The following SMAP2 variants were observed in gnomAD, a reference collection of about 807,000 sequenced individuals.
SMAP2 encodes the protein stromal membrane-associated protein 2.
A neutral mutation model predicts 56.4 loss-of-function variants in SMAP2; 25 were observed. The observed-to-expected ratio is 0.44, with a 90% CI of 0.32 to 0.62. The LOEUF is 0.62. Among genes scored for constraint, SMAP2 ranks in the 20% least tolerant of loss-of-function variants. The pLI is 0.04. For missense variants in SMAP2, 388 were observed against 545.6 expected, an observed-to-expected ratio of 0.71 and a Z score of 2.88; for synonymous variants, 157 against 181.7, an observed-to-expected ratio of 0.86 and a Z score of 1.09.
chr1:40,417,481 G>T (rs970038208), intron 9 of SMAP2, among the ~76,000 whole-genome samples: 13 of 152,080 alleles, frequency 8.5e-5, no homozygotes, highest in African/African-American at 3.1e-4. Flanking sequence ...AAATCCAGCG[G>T]AGCCAGCATC....
intron 1 of SMAP2, among the ~76,000 whole-genome samples, chr1:40,399,665 G>A (rs1644811039): frequency 6.8e-6 from 1 of 146,582 alleles, no homozygotes. Flanking sequence ...TCGCACCACT[G>A]CACTCCAGCC....
At chr1:40,376,208 T>A (rs1156370617) in intron 1 of SMAP2, among the ~76,000 whole-genome samples, 1 of 152,000 alleles carries the variant, frequency 6.6e-6, no homozygotes, top group African/African-American at 2.4e-5. Context: ...GCCTCAGCCT[T>A]CCAAAGTGCT....
At chr1:40,404,419 A>T (rs1382477193) in intron 1 of SMAP2, among the ~76,000 whole-genome samples, 1 of 152,186 alleles carries the variant, frequency 6.6e-6, no homozygotes, top group African/African-American at 2.4e-5. Flanking sequence ...GTGGCTTCAG[A>T]GTCACCCCAA....
At chr1:40,372,877 G>GTGAA (rs1050314952), upstream of SMAP2, among the ~76,000 whole-genome samples, 15 of 152,264 alleles carry the variant, frequency 9.9e-5, no homozygotes, top group African/African-American at 1.9e-4. Context: ...ATCGTGCTCA[G>GTGAA]TGAATGAATG....
chr1:40,421,956 G>A lies in SMAP2; in HGVS notation c.1165-20G>A. 1 of 1,614,042 alleles carries A rather than the reference G, an allele frequency of 6.2e-7. No individual in the cohort carries two copies. The highest frequency in any genetic ancestry group is 8.5e-7 in the Non-Finnish European group (1 of 1,179,956). ...GGAATGCCCACAGCCTGGTCTGAAA[G>A]TCTCCTCTCTCCCTTTCAGATGACC... On this transcript the variant is annotated intron_variant, in intron 9 of 9. Coordinates refer to ENST00000372718, the MANE Select transcript of SMAP2 (RefSeq NM_022733.3).
chr1:40,347,770 A>T (rs951972797), intron 1 of SMAP2, among the ~76,000 whole-genome samples: 1 of 152,212 alleles, frequency 6.6e-6, no homozygotes, highest in Non-Finnish European at 1.5e-5. Context: ...GATATTAACA[A>T]TTCGGCATAT....
chr1:40,404,803 C>T (rs1644869902), intron 1 of SMAP2, among the ~76,000 whole-genome samples: 1 of 152,160 alleles, frequency 6.6e-6, no homozygotes, highest in Non-Finnish European at 1.5e-5. Context: ...TGTTAAGAAA[C>T]CCCATTTACA....
chr1:40,361,352 G>C (rs969043439), intron 1 of SMAP2, among the ~76,000 whole-genome samples: 3 of 152,140 alleles, frequency 2.0e-5, no homozygotes, highest in African/African-American at 7.2e-5. Context: ...ACCCAGGCAG[G>C]ACTCACCATG....
At chr1:40,397,596 C>A (rs1644784967) in intron 1 of SMAP2, among the ~76,000 whole-genome samples, 1 of 152,070 alleles carries the variant, frequency 6.6e-6, no homozygotes, top group Non-Finnish European at 1.5e-5. Context: ...TTGACGAATT[C>A]ATTTAACACA....
At chr1:40,402,219 A>C (rs1644841514) in intron 1 of SMAP2, among the ~76,000 whole-genome samples, 1 of 152,226 alleles carries the variant, frequency 6.6e-6, no homozygotes, top group Non-Finnish European at 1.5e-5. Flanking sequence ...TACATAATAG[A>C]TGTACATGTT....
chr1:40,363,145 T>G (rs1220700914), intron 2 of SMAP2, among the ~76,000 whole-genome samples: 1 of 152,150 alleles, frequency 6.6e-6, no homozygotes, highest in Non-Finnish European at 1.5e-5. Flanking sequence ...TAATATTAAG[T>G]CATAATATTA....
rs1274704893 is a variant in SMAP2 at position 40,374,248 on chromosome 1, AG to A, written c.103+29del. The A allele has an allele frequency of 6.3e-6, 10 of 1,585,890 alleles. No individual in the cohort carries two copies. Among genetic ancestry groups the A allele is most frequent in the Non-Finnish European group, 8.6e-6 (10 of 1,163,524 alleles). ...GGTAGCGCATCCCACCTGGCGGGCC[AG>A]GGGTCCAGCCGCGCCGGGGTGGTGG... On this transcript the variant is annotated intron_variant, in intron 1 of 9. Transcript: ENST00000372718. The surrounding 1 kb of genome is among the most constrained non-coding windows in gnomAD (Gnocchi z 5.9).
chr1:40,366,371 G>A (rs1224173756), intron 2 of SMAP2, among the ~76,000 whole-genome samples: 3 of 124,426 alleles, frequency 2.4e-5, no homozygotes, highest in Non-Finnish European at 3.4e-5. Context: ...GATACTCCTC[G>A]AGAAGAGCAA....
intron 1 of SMAP2, among the ~76,000 whole-genome samples, chr1:40,381,549 G>A (rs1165592116): frequency 6.6e-6 from 1 of 152,178 alleles, no homozygotes; most frequent in Non-Finnish European, 1.5e-5. Context: ...TTTTGTGTGT[G>A]TGTGTGTGCG....
chr1:40,371,880 C>A (rs1392942708), upstream of SMAP2, among the ~76,000 whole-genome samples: 1 of 152,210 alleles, frequency 6.6e-6, no homozygotes, highest in Non-Finnish European at 1.5e-5. Context: ...TATCATCATT[C>A]CCATTCTATA....
At chr1:40,365,310 A>T (rs1644477321) in intron 2 of SMAP2, 1 of 152,334 alleles carries the variant, frequency 6.6e-6, no homozygotes, top group Admixed American at 6.5e-5. Flanking sequence ...ATTTCAAATA[A>T]TTTTTAAAAG....
chr1:40,401,571 G>C (rs186602769), intron 1 of SMAP2, among the ~76,000 whole-genome samples: 1 of 152,272 alleles, frequency 6.6e-6, no homozygotes, highest in African/African-American at 2.4e-5. Context: ...GTAGCTTGAA[G>C]TCCTCCATCA....
intron 1 of SMAP2, among the ~76,000 whole-genome samples, chr1:40,391,586 G>T (rs1293421713): frequency 6.6e-6 from 1 of 152,134 alleles, no homozygotes. Context: ...CCAGAATCTA[G>T]TATTATGATA....
chr1:40,413,997 A>G, intron 5 of SMAP2, 162 bp from the exon 6 acceptor site: 1 of 624,140 alleles, frequency 1.6e-6, no homozygotes, highest in Non-Finnish European at 2.8e-6. Context: ...CTGCCTCCTG[A>G]CTTGATTCTT....
Sources: allele counts gnomAD v4.1 joint callset (sites outside exome capture counted in the v4.1 genomes callset), GRCh38; gene constraint gnomAD v4.1.1; non-coding constraint Gnocchi (gnomAD v3.1); transcripts MANE v1.5; gene names NCBI Gene and HGNC (gene_info 2026-07-23, HGNC 2026-07-21).